Variants in ROCK1 observed in about 807,000 individuals in gnomAD.
ROCK1 encodes the protein Rho associated coiled-coil containing protein kinase 1.
Under a neutral mutation model 196.8 loss-of-function variants are expected in ROCK1, and 36 were observed. That is an observed-to-expected ratio of 0.18 (90% CI 0.14 to 0.24). The LOEUF is 0.24. Ranked by LOEUF, ROCK1 falls within the 10% of genes least tolerant of loss-of-function variation. The probability of loss-of-function intolerance (pLI) is 1.00; values close to 1 mark genes in which losing one functional copy is unlikely to be tolerated. For missense variants in ROCK1, 920 were observed against 1,562.0 expected, an observed-to-expected ratio of 0.59 and a Z score of 6.93; for synonymous variants, 443 against 515.9, an observed-to-expected ratio of 0.86 and a Z score of 1.91.
At chr18:21,070,486 G>A in intron 2 of ROCK1, 46 bp downstream of exon 2, 1 of 981,364 alleles carries the variant, frequency 1.0e-6, no homozygotes, top group Non-Finnish European at 1.6e-6. Context: ...AAGTGAAAAT[G>A]TAGTTATATG....
chr18:21,005,571 T>A (rs974195391), intron 16 of ROCK1, among the ~76,000 whole-genome samples: 1 of 152,100 alleles, frequency 6.6e-6, no homozygotes, highest in Non-Finnish European at 1.5e-5. Flanking sequence ...AATGTGGGCA[T>A]TATTCTAAAA....
intron 27 of ROCK1, among the ~76,000 whole-genome samples, chr18:20,961,038 A>G (rs1430480890): frequency 2.0e-5 from 3 of 152,194 alleles, no homozygotes; most frequent in Non-Finnish European, 1.5e-5. Flanking sequence ...GCATTTTATA[A>G]TAATTATTAC....
At chr18:21,071,585 C>A (rs1356600439) in intron 1 of ROCK1, among the ~76,000 whole-genome samples, 1 of 152,144 alleles carries the variant, frequency 6.6e-6, no homozygotes, top group Non-Finnish European at 1.5e-5. Context: ...CAGACTATAT[C>A]CTGCTGCATG....
intron 1 of ROCK1, among the ~76,000 whole-genome samples, chr18:21,107,200 G>C (rs867751562): frequency 2.6e-5 from 4 of 152,146 alleles, no homozygotes; most frequent in Admixed American, 6.5e-5. Flanking sequence ...CGTCATGTCA[G>C]CACTCAAAAA....
intron 1 of ROCK1, 115 bp downstream of exon 1, chr18:21,110,703 G>T: frequency 1.2e-6 from 1 of 809,798 alleles, no homozygotes. Context: ...CAGAAATCTA[G>T]CATTTTCCAA....
Position 20,961,907 on chromosome 18 carries a change from G to A in ROCK1, c.3353-1701C>T, listed in dbSNP as rs529505360. On this transcript the variant is annotated intron_variant, in intron 27 of 32. Coordinates refer to ENST00000399799, the MANE Select transcript of ROCK1 (RefSeq NM_005406.3). ...CTGAGCCTCAGCTTCCTAAGCAGTG[G>A]CATGTACCACAGCACCTGGCTTTAA... is the stretch of plus-strand genomic sequence containing the variant. 3.3e-5 allele frequency among the ~76,000 whole-genome samples: 5 copies of A among 150,058 alleles called. No individual in the cohort carries two copies. In the South Asian group the frequency reaches 1.1e-3, roughly 32 times the overall value.
chr18:20,954,089 G>A (rs1170990748), intron 31 of ROCK1, among the ~76,000 whole-genome samples: 1 of 145,302 alleles, frequency 6.9e-6, no homozygotes, highest in Non-Finnish European at 1.5e-5. Flanking sequence ...AGCTACCTCT[G>A]TAAAACTAGA....
intron 1 of ROCK1, among the ~76,000 whole-genome samples, chr18:21,073,453 A>G (rs1291743557): frequency 6.6e-6 from 1 of 152,186 alleles, no homozygotes; most frequent in African/African-American, 2.4e-5. Flanking sequence ...ATTCAACACT[A>G]CTACAAACTT....
chr18:21,044,047 AAAG>A (rs1304298731), intron 6 of ROCK1, 52 bp downstream of exon 6: 3 of 1,049,074 alleles, frequency 2.9e-6, no homozygotes, highest in African/African-American at 3.2e-5. Context: ...ACCATTTTCT[AAAG>A]AAGCATCTAC....
intron 2 of ROCK1, among the ~76,000 whole-genome samples, chr18:21,065,714 CCTG>C (rs1313526060): frequency 6.6e-6 from 1 of 152,134 alleles, no homozygotes; most frequent in Non-Finnish European, 1.5e-5. Flanking sequence ...GAAAATGTCA[CCTG>C]AAATCTTTCC....
intron 8 of ROCK1, among the ~76,000 whole-genome samples, chr18:21,040,622 C>T (rs1484975847): frequency 6.6e-6 from 1 of 152,200 alleles, no homozygotes; most frequent in African/African-American, 2.4e-5. Flanking sequence ...CTTTCACTAA[C>T]TCTCAAACTG....
intron 1 of ROCK1, among the ~76,000 whole-genome samples, chr18:21,079,095 T>C (rs1166378916): frequency 2.0e-5 from 3 of 152,076 alleles, no homozygotes. Context: ...TTGGAGTAAT[T>C]GAGAGGTTTA....
At chr18:21,068,211 C>A (rs747907756) in intron 2 of ROCK1, among the ~76,000 whole-genome samples, 14 of 152,206 alleles carry the variant, frequency 9.2e-5, no homozygotes, top group South Asian at 4.1e-4. Flanking sequence ...CTTACATTTA[C>A]GTTGATGATC....
At chr18:21,031,001 A>T (rs1365469181) in intron 9 of ROCK1, among the ~76,000 whole-genome samples, 1 of 152,212 alleles carries the variant, frequency 6.6e-6, no homozygotes, top group African/African-American at 2.4e-5. Context: ...ATTTAAGGAA[A>T]TCTCTGTCAC....
rs369411629 is a variant in ROCK1, at chr18:21,100,576, G to A, written c.93+10242C>T. Among the ~76,000 whole-genome samples the A allele has an allele frequency of 1.3e-4, 20 of 149,760 alleles. No homozygotes were observed. In the East Asian group the frequency reaches 2.3e-3, roughly 17 times the overall value. On this transcript the variant is annotated intron_variant, in intron 1 of 32. Coordinates refer to ENST00000399799, the MANE Select transcript of ROCK1 (RefSeq NM_005406.3). ...TATTTTTAAATGTGTTTATAATGAT[G>A]CCAAAAATTTAAAAAAAAAAAAAAG...
At chr18:20,985,765 G>T (rs1364891142) in intron 19 of ROCK1, among the ~76,000 whole-genome samples, 1 of 152,022 alleles carries the variant, frequency 6.6e-6, no homozygotes, top group African/African-American at 2.4e-5. Context: ...GCTTTAATAG[G>T]TATCTCTAAT....
At chr18:20,955,827 A>G (rs558874050) in intron 29 of ROCK1, among the ~76,000 whole-genome samples, 13 of 149,650 alleles carry the variant, frequency 8.7e-5, no homozygotes, top group African/African-American at 3.2e-4. Flanking sequence ...TGGGAAAAAA[A>G]GCTGATCAGA....
chr18:21,003,076 A>G (rs538104731), intron 16 of ROCK1, among the ~76,000 whole-genome samples: 1 of 152,250 alleles, frequency 6.6e-6, no homozygotes, highest in African/African-American at 2.4e-5. Flanking sequence ...GTACCTAAAT[A>G]CTACTTACAA....
intron 16 of ROCK1, among the ~76,000 whole-genome samples, chr18:21,002,524 C>A (rs1338652265): frequency 1.3e-5 from 2 of 152,122 alleles, no homozygotes; most frequent in African/African-American, 4.8e-5. Context: ...TTTAACCTGA[C>A]TTTCTTTTAT....
Sources: gnomAD v4.1 joint callset for allele counts (sites outside exome capture counted in the v4.1 genomes callset) on GRCh38, gnomAD v4.1.1 for gene constraint, MANE v1.5 for transcripts, NCBI Gene and HGNC (gene_info 2026-07-23, HGNC 2026-07-21) for gene names.